The following ZMAT3 variants were observed in gnomAD, a reference collection of about 807,000 sequenced individuals.
ZMAT3 encodes zinc finger matrin-type protein 3.
Under a neutral mutation model 32.3 loss-of-function variants are expected in ZMAT3, and 17 were observed. The observed-to-expected ratio is 0.53, with a 90% CI of 0.36 to 0.79. The LOEUF is 0.79. Ranked by LOEUF, ZMAT3 falls within the 30% of genes least tolerant of loss-of-function variation. The pLI, the probability that ZMAT3 is intolerant of heterozygous loss-of-function variation, is 0.00. For missense variants in ZMAT3, 329 were observed against 359.7 expected (o/e 0.91, Z 0.69); for synonymous variants, 120 against 133.1 (o/e 0.90, Z 0.68).
chr3:179,057,433 G>A (rs1194483955), intron 2 of ZMAT3, among the ~76,000 whole-genome samples: 1 of 152,136 alleles, frequency 6.6e-6, no homozygotes, highest in African/African-American at 2.4e-5. Context: ...CAACTCACCT[G>A]GACTGTTTTA....
rs550297052 is a variant in ZMAT3 at position 179,021,434 on chromosome 3, C to T, written c.*3583G>A. 1 of 152,298 alleles carries T rather than the reference C, an allele frequency of 6.6e-6. No homozygotes were observed. The highest frequency in any genetic ancestry group is 2.1e-4 in the South Asian group (1 of 4,824). 9.4% of individuals were successfully genotyped at this position (152,298 alleles called of 1,614,324 possible). A position where few individuals can be genotyped will look rare whatever the true frequency, so the allele number is the denominator to read the frequency against. ...AATACCTAAGAAGAATTCTAATTGT[C>T]ATCTTCTAACGTTGATTTTTTATGA... On this transcript the variant is annotated 3_prime_UTR_variant, in exon 6 of 6. Coordinates refer to ENST00000311417, the MANE Select transcript of ZMAT3 (RefSeq NM_022470.4).
chr3:179,028,593 G>A (rs572524482), intron 3 of ZMAT3, among the ~76,000 whole-genome samples: 6 of 152,368 alleles, frequency 3.9e-5, no homozygotes, highest in East Asian at 1.9e-4. Context: ...CTGCCCGGGA[G>A]GGTGGAGCCC....
At chr3:179,054,739 C>G (rs57946875) in intron 2 of ZMAT3, among the ~76,000 whole-genome samples, 57,907 of 152,034 alleles carry the variant, frequency 0.38, 11,963 homozygotes, top group East Asian at 0.52. Flanking sequence ...TGCTGCTTGC[C>G]GCCATCGCAG....
rs191502078 is a variant in ZMAT3, at chr3:179,057,822, C to T, written c.270+9661G>A. On this transcript the variant is annotated intron_variant, in intron 2 of 5. Transcript: ENST00000311417. The stretch of plus-strand genomic sequence containing the variant: ...TCTGCCGAATATGGATTCCCAGGTA[C>T]GGTGAAATACCCAGAACATTCTATA... Among the ~76,000 whole-genome samples, 58 of 152,274 alleles carry T rather than the reference C, an allele frequency of 3.8e-4. No individual in the cohort carries two copies. In the East Asian group the frequency reaches 4.8e-3, roughly 13 times the overall value.
chr3:179,059,633 A>C (rs534765270), intron 2 of ZMAT3, among the ~76,000 whole-genome samples: 1 of 152,198 alleles, frequency 6.6e-6, no homozygotes, highest in Non-Finnish European at 1.5e-5. Flanking sequence ...GATGCAGTCC[A>C]TGACTAAAAT....
rs6794956 is a variant in ZMAT3 at position 179,025,432 on chromosome 3, C to T, written c.659-204G>A. ...AAAAAGATAAAATGATTCCTCCAAC[C>T]ATTGTCAGAAAAATTGCTGTAGAGC... On this transcript the variant is annotated intron_variant, in intron 5 of 5. Transcript: ENST00000311417. 0.82 allele frequency among the ~76,000 whole-genome samples: 125,295 copies of T among 152,184 alleles called. 52,099 individuals carry two copies. The highest frequency in any genetic ancestry group is 0.94 in the East Asian group (4,872 of 5,186).
chr3:179,023,689 A>AATATATAAATATATATATATATATATAT lies in ZMAT3; in HGVS notation c.*1327_*1328insATATATATATATATATATATTTATATAT, dbSNP rs1232846996. On this transcript the variant is annotated 3_prime_UTR_variant, in exon 6 of 6. Transcript: ENST00000311417. ...CTTTGTTTCCTAAAAACTGCTGGAA[A>AATATATAAATATATATATATATATATAT]ATATATCTATATATATATATATTTT... The AATATATAAATATATATATATATATATAT allele has an allele frequency of 7.3e-4, 31 of 42,266 alleles. 2 individuals are homozygous for AATATATAAATATATATATATATATATAT. Among genetic ancestry groups the AATATATAAATATATATATATATATATAT allele is most frequent in the African/African-American group, 2.7e-3 (20 of 7,456 alleles). The allele number at this position is 42,266 out of a possible 1,614,324, so 2.6% of individuals were successfully genotyped here. A position where few individuals can be genotyped will look rare whatever the true frequency, so the allele number is the denominator to read the frequency against.
intron 2 of ZMAT3, among the ~76,000 whole-genome samples, chr3:179,054,339 T>C (rs1023244655): frequency 6.6e-6 from 1 of 152,214 alleles, no homozygotes; most frequent in African/African-American, 2.4e-5. Flanking sequence ...GGTTAGGAAA[T>C]GTTTTCGATA....
At chr3:179,029,942 T>G (rs1719088385) in intron 3 of ZMAT3, among the ~76,000 whole-genome samples, 1 of 152,212 alleles carries the variant, frequency 6.6e-6, no homozygotes, top group Non-Finnish European at 1.5e-5. Flanking sequence ...GTATGAAACA[T>G]GCTCAGCACA....
rs190338792 is a variant in ZMAT3, at chr3:179,043,652, C to T, written c.271-12653G>A. On this transcript the variant is annotated intron_variant, in intron 2 of 5. Transcript: ENST00000311417. ...AAAACCTAGGCAATACCATTCAGCACATAGGCATGGGCACAGACTTCACAA... is the reference window on the plus strand; with the variant it reads ...AAAACCTAGGCAATACCATTCAGCATATAGGCATGGGCACAGACTTCACAA... Among the ~76,000 whole-genome samples the T allele has an allele frequency of 1.5e-3, 236 of 152,310 alleles. 2 individuals are homozygous for T. Among genetic ancestry groups the T allele is most frequent in the African/African-American group, 5.4e-3 (226 of 41,566 alleles).
chr3:179,037,595 G>T (rs1034696736), intron 2 of ZMAT3, among the ~76,000 whole-genome samples: 2 of 152,128 alleles, frequency 1.3e-5, no homozygotes, highest in Non-Finnish European at 2.9e-5. Flanking sequence ...GAGATTTCCG[G>T]CTGGTGAAGC....
chr3:179,061,415 A>T lies in ZMAT3; in HGVS notation c.270+6068T>A, dbSNP rs183949327. ...CGGGAAATACAAAACCTACACAATG[A>T]AGTAGTGATTCAAATATGGAACAAC... is the stretch of plus-strand genomic sequence containing the variant. On this transcript the variant is annotated intron_variant, in intron 2 of 5. Transcript: ENST00000311417. 2.7e-3 allele frequency among the ~76,000 whole-genome samples: 411 copies of T among 152,346 alleles called. 7 individuals are homozygous for T. The highest frequency in any genetic ancestry group is 4.9e-4 in the Non-Finnish European group (33 of 68,024).
chr3:179,035,523 C>A (rs1719537118), intron 2 of ZMAT3, among the ~76,000 whole-genome samples: 1 of 152,228 alleles, frequency 6.6e-6, no homozygotes, highest in African/African-American at 2.4e-5. Flanking sequence ...ACACCACACA[C>A]ACTCCATCAT....
In ZMAT3 at chr3:179,054,103, T is replaced by G. The variant is rs112609099; in HGVS notation, c.270+13380A>C. Among the ~76,000 whole-genome samples, 41 of 152,320 alleles carry G rather than the reference T, an allele frequency of 2.7e-4. 1 individual carries two copies. Among genetic ancestry groups the G allele is most frequent in the African/African-American group, 9.6e-4 (40 of 41,568 alleles). The stretch of plus-strand genomic sequence containing the variant: ...GAACTGTTTTGTAAGTCTAAAATAA[T>G]TCAAACTAAAATGTTGATAAAATAA... On this transcript the variant is annotated intron_variant, in intron 2 of 5. Transcript: ENST00000311417.
chr3:179,035,581 A>G (rs1286533827), intron 2 of ZMAT3, among the ~76,000 whole-genome samples: 1 of 151,022 alleles, frequency 6.6e-6, no homozygotes, highest in Non-Finnish European at 1.5e-5. Context: ...ACTAATCACT[A>G]TCTAAAATAA....
intron 2 of ZMAT3, among the ~76,000 whole-genome samples, chr3:179,053,265 TATAGAG>T (rs1167439805): frequency 1.3e-5 from 2 of 150,444 alleles, no homozygotes; most frequent in Admixed American, 1.3e-4. Context: ...CTATATTCTA[TATAGAG>T]ATAATTTATA....
rs1718920455 is a variant in ZMAT3 at position 179,027,274 on chromosome 3, C to T, written c.658+149G>A. ...GTAAATAAATGAGACCTGAAATACA[C>T]ACCAGCCTGAAAGGCCGCCACTAGA... On this transcript the variant is annotated intron_variant, in intron 5 of 5. Transcript: ENST00000311417. 7.5e-6 allele frequency: 4 copies of T among 530,376 alleles called. No homozygotes were observed. In the South Asian group the frequency reaches 1.2e-4, roughly 17 times the overall value. The allele number at this position is 530,376 out of a possible 1,614,324, so 32.9% of individuals were successfully genotyped here.
chr3:179,025,705 T>C (rs746172297), intron 5 of ZMAT3, among the ~76,000 whole-genome samples: 1 of 152,146 alleles, frequency 6.6e-6, no homozygotes, highest in East Asian at 1.9e-4. Context: ...AAAAATAGGA[T>C]TAAAGAAAGT....
In ZMAT3 at chr3:179,021,478, T is replaced by C. The variant is rs1718538248; in HGVS notation, c.*3539A>G. On this transcript the variant is annotated 3_prime_UTR_variant, in exon 6 of 6. Coordinates refer to ENST00000311417, the MANE Select transcript of ZMAT3 (RefSeq NM_022470.4). ...TTTATGACAACTTACACAAAGATATTATTCACAGAGAAAAGAGACTGATGC... is the reference window on the plus strand; with the variant it reads ...TTTATGACAACTTACACAAAGATATCATTCACAGAGAAAAGAGACTGATGC... 6.6e-6 allele frequency: 1 copy of C among 152,224 alleles called. No homozygotes were observed. Among genetic ancestry groups the C allele is most frequent in the Non-Finnish European group, 1.5e-5 (1 of 68,042 alleles). The allele number at this position is 152,224 out of a possible 1,614,324, so 9.4% of individuals were successfully genotyped here. A position where few individuals can be genotyped will look rare whatever the true frequency, so the allele number is the denominator to read the frequency against.
Sources: gnomAD v4.1 joint callset for allele counts (sites outside exome capture counted in the v4.1 genomes callset) on GRCh38, gnomAD v4.1.1 for gene constraint, MANE v1.5 for transcripts, NCBI Gene and HGNC (gene_info 2026-07-23, HGNC 2026-07-21) for gene names.